The following GCH1 variants were observed in gnomAD, a reference collection of about 807,000 sequenced individuals.
GCH1 encodes GTP cyclohydrolase 1, also known as GTP cyclohydrolase I.
Under a neutral mutation model 25.9 loss-of-function variants are expected in GCH1, and 5 were observed. The observed-to-expected ratio is 0.19, with a 90% confidence interval of 0.10 to 0.41. The LOEUF is 0.41. GCH1 is among the 10% of genes least tolerant of loss of function. GCH1 has a pLI of 1.00. For missense variants in GCH1, 261 were observed against 336.5 expected (o/e 0.78, Z 1.75); for synonymous variants, 159 against 129.6 (o/e 1.23, Z -1.54).
chr14:54,869,050 C>T (rs988457635), intron 1 of GCH1, among the ~76,000 whole-genome samples: 1 of 150,656 alleles, frequency 6.6e-6, no homozygotes, highest in East Asian at 2.0e-4. Context: ...ATATTAATTT[C>T]TTTTTTGAGA....
intron 3 of GCH1, chr14:54,859,453 T>G (rs2039862305): frequency 3.6e-6 from 2 of 551,054 alleles, no homozygotes; most frequent in Admixed American, 3.0e-5. Context: ...ACTTCCAGGA[T>G]GTATGTATCT....
chr14:54,895,553 A>C (rs1367891292), intron 1 of GCH1, among the ~76,000 whole-genome samples: 1 of 152,230 alleles, frequency 6.6e-6, no homozygotes, highest in South Asian at 2.1e-4. Context: ...ATGAAGATCA[A>C]GGCCCTCAGA....
At chr14:54,860,144 A>AT (rs1382010255) in intron 2 of GCH1, among the ~76,000 whole-genome samples, 5 of 152,144 alleles carry the variant, frequency 3.3e-5, no homozygotes, top group Admixed American at 6.6e-5. Context: ...ATACTGTAGA[A>AT]TTTTTGATCA....
At position 54,902,795 on chromosome 14, in the gene GCH1, A is replaced by C; in HGVS notation, c.-132T>G. On this transcript the variant is annotated 5_prime_UTR_variant, in exon 1 of 6. Transcript: ENST00000491895. ...TGAGGAAGGTACGCAACCTGCTTAGATCACACTCCGAGCCGGGAGCGGCCA... is the reference window on the plus strand; with the variant it reads ...TGAGGAAGGTACGCAACCTGCTTAGCTCACACTCCGAGCCGGGAGCGGCCA... 12 of 1,175,666 alleles carry C rather than the reference A, an allele frequency of 1.0e-5. No individual in the cohort carries two copies. Among genetic ancestry groups the C allele is most frequent in the East Asian group, 3.2e-5 (1 of 31,052 alleles). 72.8% of individuals were successfully genotyped at this position (1,175,666 alleles called of 1,614,324 possible).
chr14:54,890,220 G>A (rs182615558), intron 1 of GCH1, among the ~76,000 whole-genome samples: 24 of 152,352 alleles, frequency 1.6e-4, no homozygotes, highest in Admixed American at 7.2e-4. Context: ...TAACCAGGCC[G>A]GGAGCGGTGG....
At chr14:54,861,447 C>G (rs920410112) in intron 2 of GCH1, among the ~76,000 whole-genome samples, 2 of 152,032 alleles carry the variant, frequency 1.3e-5, no homozygotes, top group Non-Finnish European at 2.9e-5. Flanking sequence ...CACAAAATCA[C>G]TAGATAGGCC....
At chr14:54,880,181 G>T (rs1397551055) in intron 1 of GCH1, among the ~76,000 whole-genome samples, 1 of 149,830 alleles carries the variant, frequency 6.7e-6, no homozygotes, top group Non-Finnish European at 1.5e-5. Flanking sequence ...CAGTATAGTG[G>T]TTACCTCTGT....
At chr14:54,861,650 G>A (rs1305263211) in intron 2 of GCH1, among the ~76,000 whole-genome samples, 2 of 151,744 alleles carry the variant, frequency 1.3e-5, no homozygotes, top group Non-Finnish European at 2.9e-5. Flanking sequence ...TTGAACCTGG[G>A]AGGCGGAGGT....
intron 4 of GCH1, among the ~76,000 whole-genome samples, 169 bp downstream of exon 4, chr14:54,846,930 T>C (rs1002440907): frequency 3.3e-5 from 5 of 152,098 alleles, no homozygotes; most frequent in Admixed American, 1.3e-4. Flanking sequence ...GGCATGGTGA[T>C]GCACTCTTAT....
At chr14:54,898,779 C>G (rs903010010) in intron 1 of GCH1, among the ~76,000 whole-genome samples, 4 of 152,140 alleles carry the variant, frequency 2.6e-5, no homozygotes, top group Admixed American at 2.0e-4. Flanking sequence ...GCCACCACAT[C>G]TGGCTAATTT....
At chr14:54,851,615 C>T (rs182762758) in intron 3 of GCH1, among the ~76,000 whole-genome samples, 46 of 152,210 alleles carry the variant, frequency 3.0e-4, no homozygotes, top group Non-Finnish European at 5.3e-4. Context: ...AACAGACACA[C>T]GAAAAAATGC....
intron 1 of GCH1, among the ~76,000 whole-genome samples, chr14:54,887,408 A>C (rs1396847666): frequency 6.7e-6 from 1 of 149,744 alleles, no homozygotes; most frequent in Non-Finnish European, 1.5e-5. Context: ...GAAATATAGA[A>C]GTTAAATGAA....
chr14:54,863,826 T>C (rs1471535478), intron 2 of GCH1, among the ~76,000 whole-genome samples: 2 of 151,270 alleles, frequency 1.3e-5, no homozygotes, highest in Non-Finnish European at 2.9e-5. Flanking sequence ...GCTACACATA[T>C]TGTAGTTGTG....
chr14:54,892,416 T>C (rs999170356), intron 1 of GCH1, among the ~76,000 whole-genome samples: 1 of 152,138 alleles, frequency 6.6e-6, no homozygotes, highest in Non-Finnish European at 1.5e-5. Context: ...ATTACTGATG[T>C]GGTGGCTCAC....
Position 54,843,819 on chromosome 14 carries a change from T to C in GCH1, c.*198A>G. On this transcript the variant is annotated 3_prime_UTR_variant, in exon 6 of 6. Coordinates refer to ENST00000491895, the MANE Select transcript of GCH1 (RefSeq NM_000161.3). ...TCACTTTAATATTGCCACAAAAAGG[T>C]GGCAAGAAGAAAGTAGAGGGCTCAA... 6.2e-7 allele frequency: 1 copy of C among 1,613,728 alleles called. No individual in the cohort carries two copies. Among genetic ancestry groups the C allele is most frequent in the Non-Finnish European group, 8.5e-7 (1 of 1,179,644 alleles).
chr14:54,864,842 A>G (rs1395886390), intron 2 of GCH1, among the ~76,000 whole-genome samples: 1 of 152,218 alleles, frequency 6.6e-6, no homozygotes, highest in Non-Finnish European at 1.5e-5. Flanking sequence ...TTCCTAATAT[A>G]GAAAGGAATG....
In GCH1 at chr14:54,843,097, G is replaced by T; in HGVS notation, c.*920C>A. On this transcript the variant is annotated 3_prime_UTR_variant, in exon 6 of 6. Coordinates refer to ENST00000491895, the MANE Select transcript of GCH1 (RefSeq NM_000161.3). ...TCTCAAATGTTTCTGGAAATACTTAGAAAAATATCTTATAAGATTAAAAAA... is the reference window on the plus strand; with the variant it reads ...TCTCAAATGTTTCTGGAAATACTTATAAAAATATCTTATAAGATTAAAAAA... 6.8e-7 allele frequency: 1 copy of T among 1,463,886 alleles called. No individual in the cohort carries two copies. The highest frequency in any genetic ancestry group is 1.2e-5 in the South Asian group (1 of 84,790). 90.7% of individuals were successfully genotyped at this position (1,463,886 alleles called of 1,614,324 possible).
intron 1 of GCH1, among the ~76,000 whole-genome samples, chr14:54,871,198 A>G (rs4363780): frequency 0.21 from 32,699 of 152,106 alleles, 4,901 homozygotes; most frequent in East Asian, 0.41. Context: ...ACCAATATCC[A>G]CTGTTCTGCA....
In GCH1 at chr14:54,842,654, C is replaced by T. The variant is rs2039576087; in HGVS notation, c.*1363G>A. On this transcript the variant is annotated 3_prime_UTR_variant, in exon 6 of 6. Coordinates refer to ENST00000491895, the MANE Select transcript of GCH1 (RefSeq NM_000161.3). ...ATGGGACTAAAGTTAAAGCAAGCAT[C>T]AAAGTTATTACTTTTAGGGTAATGG... The T allele has an allele frequency of 5.0e-6, 1 of 199,670 alleles. No individual in the cohort carries two copies. Among genetic ancestry groups the T allele is most frequent in the African/African-American group, 2.3e-5 (1 of 43,334 alleles). 12.4% of individuals were successfully genotyped at this position (199,670 alleles called of 1,614,324 possible). A position where few individuals can be genotyped will look rare whatever the true frequency, so the allele number is the denominator to read the frequency against.
Sources: gnomAD v4.1 joint callset for allele counts (sites outside exome capture counted in the v4.1 genomes callset) on GRCh38, gnomAD v4.1.1 for gene constraint, MANE v1.5 for transcripts, NCBI Gene and HGNC (gene_info 2026-07-23, HGNC 2026-07-21) for gene names.